SELENON: variants seen among roughly 807,000 people sequenced by gnomAD.
The protein encoded by SELENON is selenoprotein N, 1.
SELENON carries 44 observed loss-of-function variants against 59.5 expected under a neutral mutation model. The ratio of observed to expected loss-of-function variants is 0.74; its 90% confidence interval spans 0.58 to 0.95. The LOEUF (loss-of-function observed/expected upper bound fraction) is 0.95, where lower values mean the gene tolerates loss of function less well. Ranked by LOEUF, SELENON falls within the 40% of genes least tolerant of loss-of-function variation. SELENON has a pLI of 0.00. For synonymous variants in SELENON, 320 were observed against 305.6 expected, an observed-to-expected ratio of 1.05 and a Z score of -0.49; for missense variants, 674 against 721.4, an observed-to-expected ratio of 0.93 and a Z score of 0.75.
rs1170027581 is a variant in SELENON, at chr1:25,800,435, GGCGGGAGC to G, written c.183+32_183+39del. On this transcript the variant is annotated intron_variant, in intron 1 of 12. Transcript: ENST00000361547. ...GCAGGTCCGGGCCCGAGCTGGCTGG[GGCGGGAGC>G]GCGGGAGCGGGGACTGAAGGACCCA... 4 of 1,095,122 alleles carry G rather than the reference GGCGGGAGC, an allele frequency of 3.7e-6. No individual in the cohort carries two copies. The African/African-American group carries it at 6.7e-5, about 18-fold the overall frequency. 67.8% of individuals were successfully genotyped at this position (1,095,122 alleles called of 1,614,324 possible). A position where few individuals can be genotyped will look rare whatever the true frequency, so the allele number is the denominator to read the frequency against.
Position 25,815,655 on chromosome 1 carries a change from G to C in SELENON, c.1710G>C (p.Thr570=), listed in dbSNP as rs371398538. The change falls in exon 13 of 13, where the codon ACG becomes ACC. Residue 570 remains threonine, a synonymous_variant. Transcript: ENST00000361547. Reference sequence around the variant, plus strand: ...CATCCACCTTTGAAGACCCGTCCACGGCCACCTACATGCAGTTCCTGAAGG... The same window carrying C: ...CATCCACCTTTGAAGACCCGTCCACCGCCACCTACATGCAGTTCCTGAAGG... The C allele has an allele frequency of 2.5e-6, 4 of 1,614,012 alleles. No individual in the cohort carries two copies. The African/African-American group carries it at 4.0e-5, about 16-fold the overall frequency.
Position 25,815,596 on chromosome 1 carries a change from C to A in SELENON, c.1651C>A (p.Pro551Thr). The A allele has an allele frequency of 6.2e-7, 1 of 1,614,224 alleles. No homozygotes were observed. The highest frequency in any genetic ancestry group is 8.5e-7 in the Non-Finnish European group (1 of 1,180,028). Reference sequence around the variant, plus strand: ...CTTCTTGGACATCACCTCCGTGAAGCCCGAGGAAATCGAGAGCAATCTCTT... The same window carrying A: ...CTTCTTGGACATCACCTCCGTGAAGACCGAGGAAATCGAGAGCAATCTCTT... Residue 551 changes from proline to threonine, a missense_variant, in exon 13 of 13, where the codon CCC (proline) becomes ACC (threonine). Pro to Thr is a conservative substitution (Grantham distance 38). Coordinates refer to ENST00000361547, the MANE Select transcript of SELENON (RefSeq NM_020451.3).
Position 25,815,615 on chromosome 1 carries a change from A to G in SELENON, c.1670A>G (p.Asn557Ser), listed in dbSNP as rs1261045749. The G allele has an allele frequency of 6.2e-7, 1 of 1,614,136 alleles. No homozygotes were observed. The highest frequency in any genetic ancestry group is 1.3e-5 in the African/African-American group (1 of 75,028). ...GTGAAGCCCGAGGAAATCGAGAGCA[A>G]TCTCTTCAGCTTCTCATCCACCTTT... Residue 557 changes from asparagine (N) to serine (S), a missense_variant, in exon 13 of 13, where the codon AAT (asparagine) becomes AGT (serine). By Grantham distance (46) the Asn-to-Ser change is conservative (BLOSUM62 1). Transcript: ENST00000361547.
intron 3 of SELENON, among the ~76,000 whole-genome samples, chr1:25,803,936 CAG>C (rs1232889036): frequency 3.3e-5 from 5 of 152,108 alleles, no homozygotes; most frequent in Non-Finnish European, 7.3e-5. Flanking sequence ...CTCCTAACCT[CAG>C]GTGATCCGCC....
At position 25,811,706 on chromosome 1, in the gene SELENON, A is replaced by T. The variant is rs754413602; in HGVS notation, c.1108A>T (p.Thr370Ser). The T allele has an allele frequency of 1.6e-5, 26 of 1,609,410 alleles. 1 individual carries two copies. The South Asian group carries it at 2.8e-4, about 17-fold the overall frequency. ...TCTGGCCCAGATGGAGCTGGAGGCC[A>T]CGGGCCCCTCTGTGCCCTCCGTGAT... Residue 370 changes from threonine to serine, a missense_variant, in exon 9 of 13, where the codon ACG becomes TCG. Physicochemically the swap from Thr to Ser is moderately conservative, Grantham distance 58 (BLOSUM62 1). Transcript: ENST00000361547.
chr1:25,815,988 C>T lies in SELENON; in HGVS notation c.*270C>T. The T allele has an allele frequency of 2.0e-6, 1 of 492,464 alleles. No homozygotes were observed. The highest frequency in any genetic ancestry group is 3.7e-6 in the Non-Finnish European group (1 of 268,612). 30.5% of individuals were successfully genotyped at this position (492,464 alleles called of 1,614,324 possible). A position where few individuals can be genotyped will look rare whatever the true frequency, so the allele number is the denominator to read the frequency against. On this transcript the variant is annotated 3_prime_UTR_variant, in exon 13 of 13. Transcript: ENST00000361547. ...TTGGCTCTGGAAGCTGCTTGGCCCC[C>T]CCAGATCAGGGCCTGGGTGAACTCC...
intron 9 of SELENON, among the ~76,000 whole-genome samples, chr1:25,812,474 T>TAC (rs200347809): frequency 9.2e-5 from 1 of 10,890 alleles, no homozygotes; most frequent in African/African-American, 2.0e-4. Context: ...CACACACACA[T>TAC]ACACACATAT....
chr1:25,801,202 C>A, intron 2 of SELENON, 42 bp downstream of exon 2: 1 of 1,489,220 alleles, frequency 6.7e-7, no homozygotes, highest in Non-Finnish European at 9.4e-7. Flanking sequence ...GGCGCCTTGG[C>A]CAACGGTGTC....
At position 25,817,745 on chromosome 1, in the gene SELENON, C is replaced by A. The variant is rs986344749; in HGVS notation, c.*2027C>A. 2 of 152,172 alleles carry A rather than the reference C, an allele frequency of 1.3e-5. No homozygotes were observed. The highest frequency in any genetic ancestry group is 3.9e-4 in the East Asian group (2 of 5,192). The allele number at this position is 152,172 out of a possible 1,614,324, so 9.4% of individuals were successfully genotyped here. A position where few individuals can be genotyped will look rare whatever the true frequency, so the allele number is the denominator to read the frequency against. Reference sequence around the variant, plus strand: ...TTGGGGGTGTTTTTTGGCATGGCACCCTCACCTCTCTCCCTGCCTGTTTTC... The same window carrying A: ...TTGGGGGTGTTTTTTGGCATGGCACACTCACCTCTCTCCCTGCCTGTTTTC... On this transcript the variant is annotated 3_prime_UTR_variant, in exon 13 of 13. Coordinates refer to ENST00000361547, the MANE Select transcript of SELENON (RefSeq NM_020451.3).
At chr1:25,809,235 C>T in intron 6 of SELENON, 85 bp downstream of exon 5, 2 of 1,587,624 alleles carry the variant, frequency 1.3e-6, no homozygotes, top group Non-Finnish European at 1.7e-6. Flanking sequence ...CTTGAGCCCC[C>T]CAGCTCCACC....
chr1:25,805,147 A>G lies in SELENON; in HGVS notation c.409A>G (p.Thr137Ala), dbSNP rs35019869. 0.015 allele frequency: 24,155 copies of G among 1,613,160 alleles called. 198 individuals carry two copies. Among genetic ancestry groups the G allele is most frequent in the Non-Finnish European group, 0.017 (19,930 of 1,179,944 alleles). Reference sequence around the variant, plus strand: ...CCGATGTCTGTGTCTCATAGGGTCAACTCCCGCGGCCAGCTGCGAGGAGGA... The same window carrying G: ...CCGATGTCTGTGTCTCATAGGGTCAGCTCCCGCGGCCAGCTGCGAGGAGGA... The change falls in exon 4 of 13, where the codon ACT (threonine) becomes GCT (alanine). Residue 137 changes from threonine (T) to alanine (A), a missense_variant. Thr to Ala is a moderately conservative substitution (Grantham distance 58). Transcript: ENST00000361547.
In SELENON at chr1:25,808,586, C is replaced by T. The variant is rs780848577; in HGVS notation, c.544C>T (p.Arg182Cys). 13 of 1,613,616 alleles carry T rather than the reference C, an allele frequency of 8.1e-6. No individual in the cohort carries two copies. The highest frequency in any genetic ancestry group is 1.7e-4 in the Middle Eastern group (1 of 6,006). Residue 182 changes from arginine to cysteine, a missense_variant, in exon 5 of 13, where the codon CGC becomes TGC. Transcript: ENST00000361547. ...TTGCTTTCCCCCGCCCCAGGTCTCCCGCCTCGCCCTGTCCGGCCTCCGAAA... is the reference window on the plus strand; with the variant it reads ...TTGCTTTCCCCCGCCCCAGGTCTCCTGCCTCGCCCTGTCCGGCCTCCGAAA...
intron 7 of SELENON, 141 bp downstream of exon 6, chr1:25,809,961 A>T (rs6686366): frequency 2.7e-6 from 3 of 1,091,294 alleles, no homozygotes; most frequent in Non-Finnish European, 4.1e-6. Context: ...ACGTGGCAGG[A>T]GGCGGCATGA....
chr1:25,813,794 T>G lies in SELENON; in HGVS notation c.1388-87T>G. The stretch of plus-strand genomic sequence containing the variant: ...TGTTATTTCACTTGGGTGCAGAGAC[T>G]GTCCTGCAGCCCGTGAGGTCTCCCC... On this transcript the variant is annotated intron_variant, in intron 10 of 12. Coordinates refer to ENST00000361547, the MANE Select transcript of SELENON (RefSeq NM_020451.3). 6 of 931,978 alleles carry G rather than the reference T, an allele frequency of 6.4e-6. No homozygotes were observed. The Admixed American group carries it at 1.0e-4, about 16-fold the overall frequency. 57.7% of individuals were successfully genotyped at this position (931,978 alleles called of 1,614,324 possible). A position where few individuals can be genotyped will look rare whatever the true frequency, so the allele number is the denominator to read the frequency against.
Position 25,805,291 on chromosome 1 carries a change from C to T in SELENON, c.537+16C>T, listed in dbSNP as rs774621017. The T allele has an allele frequency of 1.9e-6, 3 of 1,613,912 alleles. No homozygotes were observed. The highest frequency in any genetic ancestry group is 2.5e-6 in the Non-Finnish European group (3 of 1,180,006). The stretch of plus-strand genomic sequence containing the variant: ...CTTCCTAGGGGTGAGTTGGGGACCA[C>T]AGGCAGTGGGGTCATCTGTGTGTAT... On this transcript the variant is annotated intron_variant, in intron 4 of 12. Transcript: ENST00000361547.
chr1:25,809,612 C>T (rs1244202392), intron 6 of SELENON, 71 bp from the exon 6 acceptor site: 3 of 1,603,348 alleles, frequency 1.9e-6, no homozygotes, highest in Non-Finnish European at 2.5e-6. Flanking sequence ...CCTGATGATT[C>T]TGGCCAAGGC....
chr1:25,808,141 G>A (rs967853681), intron 4 of SELENON, among the ~76,000 whole-genome samples: 1 of 152,230 alleles, frequency 6.6e-6, no homozygotes, highest in East Asian at 1.9e-4. Flanking sequence ...AGGGAGAGTA[G>A]GGCTGCTGGA....
rs1381957995 is a variant in SELENON, at chr1:25,808,743, A to G, written c.701A>G (p.Tyr234Cys). 2 of 1,613,816 alleles carry G rather than the reference A, an allele frequency of 1.2e-6. No individual in the cohort carries two copies. Among genetic ancestry groups the G allele is most frequent in the African/African-American group, 2.7e-5 (2 of 74,918 alleles). Residue 234 changes from tyrosine (Y) to cysteine (C), a missense_variant, in exon 5 of 13, where the codon TAC (tyrosine) becomes TGC (cysteine). Transcript: ENST00000361547. The stretch of plus-strand genomic sequence containing the variant: ...AGTGAGCTGAGCATGTTCACTGGCT[A>G]CCTGTCCAACAACCGCTTCTATCCA...
At chr1:25,804,537 G>A (rs1425867496) in intron 3 of SELENON, among the ~76,000 whole-genome samples, 1 of 150,950 alleles carries the variant, frequency 6.6e-6, no homozygotes, top group Non-Finnish European at 1.5e-5. Flanking sequence ...TTCTATACTG[G>A]GAAGGTTATA....
Sources: gnomAD v4.1 joint callset for allele counts (sites outside exome capture counted in the v4.1 genomes callset) on GRCh38, gnomAD v4.1.1 for gene constraint, MANE v1.5 for transcripts, NCBI Gene and HGNC (gene_info 2026-07-23, HGNC 2026-07-21) for gene names.